SPOCK3: variants seen among roughly 807,000 people sequenced by gnomAD.
SPOCK3 encodes SPARC (osteonectin), cwcv and kazal like domains proteoglycan 3, also known as testican-3.
In SPOCK3, 30 loss-of-function variants were observed where a neutral mutation model predicts 56.6. The observed-to-expected ratio is 0.53, with a 90% CI of 0.40 to 0.72. The LOEUF (loss-of-function observed/expected upper bound fraction) is 0.72. Among genes scored for constraint, SPOCK3 ranks in the 30% least tolerant of loss-of-function variants. The probability of loss-of-function intolerance (pLI) is 0.00; values close to 1 mark genes in which losing one functional copy is unlikely to be tolerated. For missense variants in SPOCK3, 527 were observed against 530.0 expected (o/e 0.99, Z 0.06); for synonymous variants, 196 against 183.3 (o/e 1.07, Z -0.56).
chr4:166,996,390 A>G (rs1160820867), intron 4 of SPOCK3, among the ~76,000 whole-genome samples: 1 of 152,174 alleles, frequency 6.6e-6, no homozygotes, highest in Non-Finnish European at 1.5e-5. Context: ...GGAGCATAAA[A>G]CACTGGGCTT....
At chr4:166,907,870 T>C (rs1249660104) in intron 5 of SPOCK3, among the ~76,000 whole-genome samples, 1 of 152,016 alleles carries the variant, frequency 6.6e-6, no homozygotes, top group Non-Finnish European at 1.5e-5. Flanking sequence ...GCTGTAATAT[T>C]GATCGAGTTG....
chr4:167,171,191 A>G (rs1580507270), intron 2 of SPOCK3, among the ~76,000 whole-genome samples: 1 of 152,174 alleles, frequency 6.6e-6, no homozygotes, highest in Admixed American at 6.5e-5. Flanking sequence ...AGAAGGGCTT[A>G]TTTATTTGAC....
Position 166,882,723 on chromosome 4 carries a change from A to T in SPOCK3, c.589+6407T>A, listed in dbSNP as rs558263539. The T allele has an allele frequency of 1.4e-3, 210 of 152,344 alleles. 1 individual carries two copies. Among genetic ancestry groups the T allele is most frequent in the African/African-American group, 4.9e-3 (203 of 41,582 alleles). 9.4% of individuals were successfully genotyped at this position (152,344 alleles called of 1,614,324 possible). ...TAGTCCAACATCAGTTTCACAGATA[A>T]TGTAAAATATTTGTGTAAAATATGA... On this transcript the variant is annotated intron_variant, in intron 6 of 10. Transcript: ENST00000357545.
At chr4:167,117,689 T>C (rs905938276) in intron 2 of SPOCK3, among the ~76,000 whole-genome samples, 4 of 151,982 alleles carry the variant, frequency 2.6e-5, no homozygotes, top group Non-Finnish European at 5.9e-5. Flanking sequence ...AAGGTGAAAA[T>C]CCAAGGGAGG....
intron 4 of SPOCK3, among the ~76,000 whole-genome samples, chr4:166,997,966 A>G (rs1264588312): frequency 6.6e-6 from 1 of 152,126 alleles, no homozygotes; most frequent in Non-Finnish European, 1.5e-5. Context: ...TGCTTTCTCT[A>G]CCACATCCCC....
intron 2 of SPOCK3, among the ~76,000 whole-genome samples, chr4:167,111,113 CA>C (rs1760865929): frequency 6.6e-6 from 1 of 151,426 alleles, no homozygotes; most frequent in Non-Finnish European, 1.5e-5. Context: ...GACATATTTT[CA>C]AATGTGGATG....
chr4:167,136,958 C>T (rs1258958965), intron 2 of SPOCK3, among the ~76,000 whole-genome samples: 1 of 151,994 alleles, frequency 6.6e-6, no homozygotes, highest in African/African-American at 2.4e-5. Flanking sequence ...GTCATTTAAT[C>T]CTGTGGCACC....
chr4:166,957,437 G>C (rs1328557712), intron 4 of SPOCK3, among the ~76,000 whole-genome samples: 1 of 152,126 alleles, frequency 6.6e-6, no homozygotes, highest in Non-Finnish European at 1.5e-5. Flanking sequence ...CTGAACTCCT[G>C]ACTTCCTCAT....
chr4:167,116,547 T>G (rs570475408), intron 2 of SPOCK3, among the ~76,000 whole-genome samples: 1 of 129,252 alleles, frequency 7.7e-6, no homozygotes, highest in Non-Finnish European at 1.6e-5. Flanking sequence ...TATAAAAGTA[T>G]ATATATGAGT....
At chr4:166,783,832 A>C (rs1740437572) in intron 7 of SPOCK3, among the ~76,000 whole-genome samples, 1 of 152,174 alleles carries the variant, frequency 6.6e-6, no homozygotes, top group Non-Finnish European at 1.5e-5. Context: ...TTTATGTATT[A>C]CTCAACTGGC....
At chr4:166,819,779 GTCAC>G (rs1397198568) in intron 6 of SPOCK3, among the ~76,000 whole-genome samples, 1 of 151,444 alleles carries the variant, frequency 6.6e-6, no homozygotes, top group Non-Finnish European at 1.5e-5. Flanking sequence ...GTCTTACTGT[GTCAC>G]TCAGGCTGAA....
At position 166,905,220 on chromosome 4, in the gene SPOCK3, G is replaced by T. The variant is rs544914162; in HGVS notation, c.474+7400C>A. Among the ~76,000 whole-genome samples, 6 of 151,776 alleles carry T rather than the reference G, an allele frequency of 4.0e-5. No individual in the cohort carries two copies. The South Asian group carries it at 8.3e-4, about 21-fold the overall frequency. ...TATTACCACAACTAGTATATGCCTA[G>T]TATTATTATTATCATTACACTTCTC... On this transcript the variant is annotated intron_variant, in intron 5 of 10. Coordinates refer to ENST00000357545, the MANE Select transcript of SPOCK3 (RefSeq NM_001040159.2).
intron 2 of SPOCK3, among the ~76,000 whole-genome samples, chr4:167,103,505 C>T (rs1231175525): frequency 2.6e-5 from 4 of 152,278 alleles, no homozygotes; most frequent in Admixed American, 1.3e-4. Context: ...CTCCTCTGTC[C>T]ATGGAAGGGA....
At chr4:166,808,392 A>T (rs1483676554) in intron 6 of SPOCK3, among the ~76,000 whole-genome samples, 1 of 152,022 alleles carries the variant, frequency 6.6e-6, no homozygotes, top group Non-Finnish European at 1.5e-5. Flanking sequence ...TTAAATGAGG[A>T]CATATAGGTG....
chr4:167,212,489 C>G (rs914678680), intron 2 of SPOCK3, among the ~76,000 whole-genome samples: 1 of 152,098 alleles, frequency 6.6e-6, no homozygotes, highest in Non-Finnish European at 1.5e-5. Context: ...GATCCACCCG[C>G]CTCGGCCTCC....
At chr4:166,798,097 TGATA>T (rs1355597654) in intron 6 of SPOCK3, among the ~76,000 whole-genome samples, 5 of 152,196 alleles carry the variant, frequency 3.3e-5, no homozygotes, top group African/African-American at 9.7e-5. Flanking sequence ...TAAGAAAGTC[TGATA>T]TATATAATTA....
chr4:166,858,698 T>C (rs1222727262), intron 6 of SPOCK3, among the ~76,000 whole-genome samples: 2 of 152,144 alleles, frequency 1.3e-5, no homozygotes, highest in Non-Finnish European at 2.9e-5. Context: ...GAAAATAAAA[T>C]AATTCAGAAA....
chr4:167,195,387 C>T (rs952999911), intron 2 of SPOCK3, among the ~76,000 whole-genome samples: 2 of 152,150 alleles, frequency 1.3e-5, no homozygotes, highest in Admixed American at 6.5e-5. Flanking sequence ...GCAGGGTCAC[C>T]ATGGATGTGT....
chr4:167,138,785 A>G (rs907870928), intron 2 of SPOCK3, among the ~76,000 whole-genome samples: 2 of 151,972 alleles, frequency 1.3e-5, no homozygotes, highest in African/African-American at 4.8e-5. Context: ...AGAAAAGAAC[A>G]AATGCAAAAG....
Sources: allele counts gnomAD v4.1 joint callset (sites outside exome capture counted in the v4.1 genomes callset), GRCh38; gene constraint gnomAD v4.1.1; transcripts MANE v1.5; gene names NCBI Gene and HGNC (gene_info 2026-07-23, HGNC 2026-07-21).